The following AFF3 variants were observed in gnomAD, a reference collection of about 807,000 sequenced individuals.
AFF3 encodes the protein ALF transcription elongation factor 3.
Under a neutral mutation model 129.7 loss-of-function variants are expected in AFF3, and 32 were observed. That is an observed-to-expected ratio of 0.25 (90% CI 0.19 to 0.33). The LOEUF (loss-of-function observed/expected upper bound fraction) is 0.33, where lower values mean the gene tolerates loss of function less well. Among genes scored for constraint, AFF3 ranks in the 10% least tolerant of loss-of-function variants. AFF3 has a pLI of 1.00. For synonymous variants in AFF3, 644 were observed against 635.4 expected, an observed-to-expected ratio of 1.01 and a Z score of -0.20; for missense variants, 1,373 against 1,592.0, an observed-to-expected ratio of 0.86 and a Z score of 2.34.
chr2:99,903,704 T>C (rs1694512712), intron 7 of AFF3, among the ~76,000 whole-genome samples: 1 of 152,220 alleles, frequency 6.6e-6, no homozygotes, highest in African/African-American at 2.4e-5. Flanking sequence ...TGTCTCCTAG[T>C]TGACTTATCT....
At chr2:99,756,837 A>T (rs1008067811) in intron 8 of AFF3, among the ~76,000 whole-genome samples, 1 of 152,204 alleles carries the variant, frequency 6.6e-6, no homozygotes, top group Admixed American at 6.5e-5. Flanking sequence ...GAGTCCATAT[A>T]ATATTGTGCA....
intron 7 of AFF3, among the ~76,000 whole-genome samples, chr2:99,966,847 AT>A (rs1357766177): frequency 1.3e-5 from 2 of 152,082 alleles, no homozygotes; most frequent in African/African-American, 4.8e-5. Flanking sequence ...GATTTAAATA[AT>A]TTCATTAAGA....
chr2:99,867,927 C>T (rs1242098076), intron 7 of AFF3, among the ~76,000 whole-genome samples: 3 of 151,784 alleles, frequency 2.0e-5, no homozygotes, highest in Non-Finnish European at 4.4e-5. Flanking sequence ...CGCCCCTGGG[C>T]GAGGCGGGCA....
intron 10 of AFF3, 34 bp from the exon 11 acceptor site, chr2:99,727,162 T>C: frequency 6.3e-7 from 1 of 1,582,590 alleles, no homozygotes; most frequent in Non-Finnish European, 8.6e-7. Context: ...TACCGACATA[T>C]GAGTCTTACA....
intron 11 of AFF3, among the ~76,000 whole-genome samples, chr2:99,694,800 G>A (rs1323072144): frequency 6.6e-6 from 1 of 152,096 alleles, no homozygotes. Context: ...TCAGCCTCCT[G>A]GGTTCAAGCG....
intron 2 of AFF3, among the ~76,000 whole-genome samples, chr2:100,115,733 A>G (rs1010701394): frequency 6.6e-6 from 1 of 152,094 alleles, no homozygotes; most frequent in Admixed American, 6.5e-5. Context: ...AGTATTTCCT[A>G]TGTTTCCACT....
intron 7 of AFF3, among the ~76,000 whole-genome samples, chr2:99,943,502 C>T (rs897280842): frequency 6.6e-6 from 1 of 152,206 alleles, no homozygotes; most frequent in Non-Finnish European, 1.5e-5. Context: ...GGTGTTATTA[C>T]ATGGACAGTG....
chr2:99,748,736 A>C (rs1208564429), intron 9 of AFF3, among the ~76,000 whole-genome samples: 1 of 152,228 alleles, frequency 6.6e-6, no homozygotes, highest in Non-Finnish European at 1.5e-5. Context: ...ATGACTTTAA[A>C]AAAAAGTATA....
chr2:100,028,529 T>C (rs1684232542), intron 4 of AFF3, among the ~76,000 whole-genome samples: 1 of 152,120 alleles, frequency 6.6e-6, no homozygotes. Flanking sequence ...TAATATAAAA[T>C]GTTTACATTA....
intron 1 of AFF3, among the ~76,000 whole-genome samples, chr2:100,137,154 C>A (rs1281860581): frequency 6.6e-6 from 1 of 152,118 alleles, no homozygotes; most frequent in Non-Finnish European, 1.5e-5. Context: ...AGTTATATAA[C>A]CGATGTATAA....
intron 11 of AFF3, among the ~76,000 whole-genome samples, chr2:99,692,931 C>T (rs1241229353): frequency 6.6e-6 from 1 of 152,230 alleles, no homozygotes. Flanking sequence ...ACTCTCTGAA[C>T]AGGTACCTCT....
intron 10 of AFF3, among the ~76,000 whole-genome samples, chr2:99,741,637 A>G (rs983029276): frequency 6.6e-6 from 1 of 152,174 alleles, no homozygotes; most frequent in African/African-American, 2.4e-5. Context: ...GAAAATGGCC[A>G]TACTGCCCAA....
intron 11 of AFF3, among the ~76,000 whole-genome samples, chr2:99,695,048 G>T (rs1676059176): frequency 6.6e-6 from 1 of 151,962 alleles, no homozygotes; most frequent in Non-Finnish European, 1.5e-5. Flanking sequence ...AATATAATTA[G>T]TAAATTTTAA....
intron 13 of AFF3, among the ~76,000 whole-genome samples, chr2:99,637,238 TAAG>T (rs776885188): frequency 9.9e-5 from 15 of 151,946 alleles, no homozygotes; most frequent in Non-Finnish European, 1.8e-4. Flanking sequence ...GAAAAGTAGT[TAAG>T]TAGTTTGGTT....
chr2:100,054,546 C>CTAGT (rs2105171575), intron 4 of AFF3, among the ~76,000 whole-genome samples: 1 of 152,258 alleles, frequency 6.6e-6, no homozygotes, highest in South Asian at 2.1e-4. Context: ...TTTCCTAGGT[C>CTAGT]TTAAGTCTGC....
chr2:99,553,097 C>T (rs571022355), intron 24 of AFF3, among the ~76,000 whole-genome samples: 13 of 152,208 alleles, frequency 8.5e-5, no homozygotes, highest in South Asian at 2.1e-4. Context: ...CCACCACACC[C>T]GGCTAATGTT....
intron 17 of AFF3, 41 bp from the exon 18 acceptor site, chr2:99,578,492 C>G (rs1677207342): frequency 2.5e-6 from 4 of 1,605,080 alleles, no homozygotes; most frequent in Non-Finnish European, 3.4e-6. Flanking sequence ...AATTGGCCAC[C>G]TGGTGAAGCG....
chr2:100,014,129 G>T (rs1030830876), intron 4 of AFF3, among the ~76,000 whole-genome samples: 2 of 151,046 alleles, frequency 1.3e-5, no homozygotes. Context: ...TTTGCTTGGA[G>T]CACTCGCTCC....
chr2:99,990,713 G>C (rs1018405002), intron 7 of AFF3, among the ~76,000 whole-genome samples: 1 of 152,088 alleles, frequency 6.6e-6, no homozygotes, highest in Non-Finnish European at 1.5e-5. Flanking sequence ...GCATGAAAGT[G>C]AAATATTTAA....
Sources: gnomAD v4.1 joint callset for allele counts (sites outside exome capture counted in the v4.1 genomes callset) on GRCh38, gnomAD v4.1.1 for gene constraint, MANE v1.5 for transcripts, NCBI Gene and HGNC (gene_info 2026-07-23, HGNC 2026-07-21) for gene names.